Variants in CFDP1 observed in about 807,000 individuals in gnomAD.
The protein encoded by CFDP1 is chromatin remodeling protein CFDP1.
In CFDP1, 31 loss-of-function variants were observed where a neutral mutation model predicts 40.1. The observed-to-expected ratio is 0.77, with a 90% CI of 0.58 to 1.04. CFDP1 has a LOEUF of 1.04. CFDP1 is among the 50% of genes least tolerant of loss of function. The pLI, the probability that CFDP1 is intolerant of heterozygous loss-of-function variation, is 0.00. For missense variants in CFDP1, 423 were observed against 343.4 expected (o/e 1.23, Z -1.83); for synonymous variants, 167 against 120.0 (o/e 1.39, Z -2.56).
chr16:75,411,986 A>C (rs551436234), intron 3 of CFDP1, 34 bp from the exon 4 acceptor site: 7 of 1,570,652 alleles, frequency 4.5e-6, no homozygotes, highest in South Asian at 3.6e-5. Context: ...ATGTTTCACC[A>C]AAAGATGAAC....
intron 5 of CFDP1, among the ~76,000 whole-genome samples, chr16:75,319,804 C>T (rs919218332): frequency 1.3e-5 from 2 of 152,168 alleles, no homozygotes; most frequent in Non-Finnish European, 2.9e-5. Flanking sequence ...AAGCAATCAT[C>T]TATACAAGGG....
chr16:75,302,332 C>T (rs1380728077), intron 6 of CFDP1, among the ~76,000 whole-genome samples: 1 of 152,178 alleles, frequency 6.6e-6, no homozygotes, highest in African/African-American at 2.4e-5. Flanking sequence ...GCGATCAGAG[C>T]TCACTGCAGC....
chr16:75,318,703 C>G (rs975854764), intron 5 of CFDP1, among the ~76,000 whole-genome samples: 1 of 152,000 alleles, frequency 6.6e-6, no homozygotes, highest in African/African-American at 2.4e-5. Flanking sequence ...TGCGCCCGGC[C>G]GGCATGCTTT....
At chr16:75,295,024 G>A (rs1017143363) in intron 6 of CFDP1, among the ~76,000 whole-genome samples, 7 of 152,230 alleles carry the variant, frequency 4.6e-5, no homozygotes, top group African/African-American at 7.2e-5. Flanking sequence ...TATGGAGAGA[G>A]CAAAAATTGC....
At chr16:75,381,839 T>C (rs967458005) in intron 5 of CFDP1, among the ~76,000 whole-genome samples, 2 of 152,038 alleles carry the variant, frequency 1.3e-5, no homozygotes, top group Non-Finnish European at 2.9e-5. Context: ...GAATCATCAG[T>C]GTTGAAAAGA....
intron 4 of CFDP1, among the ~76,000 whole-genome samples, chr16:75,410,368 G>A (rs1359514594): frequency 1.3e-5 from 2 of 152,164 alleles, no homozygotes; most frequent in Non-Finnish European, 2.9e-5. Context: ...TTACAGGGAT[G>A]TGGCTCTTAC....
intron 5 of CFDP1, among the ~76,000 whole-genome samples, chr16:75,392,738 T>C (rs1337416761): frequency 1.3e-5 from 2 of 152,192 alleles, no homozygotes; most frequent in African/African-American, 4.8e-5. Flanking sequence ...TCCTACTACA[T>C]GTGATGTGCT....
intron 5 of CFDP1, chr16:75,394,657 G>GTTTTTTTTTTT (rs1567670026): frequency 1.7e-5 from 1 of 58,568 alleles, no homozygotes; most frequent in Admixed American, 2.5e-4. Context: ...AATTTTCTTC[G>GTTTTTTTTTTT]CTTTTTTTTT....
intron 4 of CFDP1, among the ~76,000 whole-genome samples, chr16:75,397,213 G>A (rs954664143): frequency 6.7e-6 from 1 of 149,630 alleles, no homozygotes; most frequent in Non-Finnish European, 1.5e-5. Context: ...TGCGCCCAGC[G>A]TTTTTTTGTT....
chr16:75,349,366 C>T (rs182160217), intron 5 of CFDP1, among the ~76,000 whole-genome samples: 127 of 151,238 alleles, frequency 8.4e-4, no homozygotes, highest in African/African-American at 2.7e-3. Context: ...AAAAATTAGC[C>T]GGGCGTGGTG....
chr16:75,332,923 T>A (rs1433419877), intron 5 of CFDP1, among the ~76,000 whole-genome samples: 2 of 148,910 alleles, frequency 1.3e-5, no homozygotes, highest in African/African-American at 2.5e-5. Flanking sequence ...TTCTCCTGCC[T>A]CAGTCTCTGG....
intron 5 of CFDP1, among the ~76,000 whole-genome samples, chr16:75,361,383 G>A (rs2078678392): frequency 6.6e-6 from 1 of 152,114 alleles, no homozygotes; most frequent in African/African-American, 2.4e-5. Flanking sequence ...CTGGGAGGCC[G>A]AGGCAGGTGG....
chr16:75,312,408 A>G (rs1427869806), intron 5 of CFDP1, among the ~76,000 whole-genome samples: 1 of 152,224 alleles, frequency 6.6e-6, no homozygotes, highest in Admixed American at 6.5e-5. Context: ...AGTGCCAGCA[A>G]AAAAAGTGCC....
chr16:75,294,135 G>GA (rs2078165290), intron 6 of CFDP1, 93 bp from the exon 7 acceptor site: 1 of 943,732 alleles, frequency 1.1e-6, no homozygotes, highest in African/African-American at 1.6e-5. Flanking sequence ...CTAAGTTACA[G>GA]TAAATGGTGC....
At chr16:75,400,713 G>C (rs537543184) in intron 4 of CFDP1, among the ~76,000 whole-genome samples, 139 of 152,302 alleles carry the variant, frequency 9.1e-4, no homozygotes, top group African/African-American at 3.0e-3. Flanking sequence ...TCCTTTGCCA[G>C]AGCAACCCTG....
In CFDP1 at chr16:75,299,594, C is replaced by CA. The variant is rs35066897; in HGVS notation, c.809+5429dup. ...TGGGGAAAAGAGCGAGACTCCATCT[C>CA]AAAAAAAAAAAAAAATTCGAATCCT... On this transcript the variant is annotated intron_variant, in intron 6 of 6. Transcript: ENST00000283882. Among the ~76,000 whole-genome samples the CA allele has an allele frequency of 7.9e-3, 1,009 of 127,054 alleles. 7 individuals carry two copies. The highest frequency in any genetic ancestry group is 0.022 in the African/African-American group (749 of 34,220). The allele number at this position is 127,054 out of a possible 152,430, so 83.4% of individuals were successfully genotyped here. A position where few individuals can be genotyped will look rare whatever the true frequency, so the allele number is the denominator to read the frequency against.
At chr16:75,309,164 G>T (rs2078277136) in intron 5 of CFDP1, among the ~76,000 whole-genome samples, 1 of 152,120 alleles carries the variant, frequency 6.6e-6, no homozygotes, top group Admixed American at 6.6e-5. Context: ...GGCTCCCTCA[G>T]GGTTCTGAGC....
At chr16:75,340,506 C>A (rs150484812) in intron 5 of CFDP1, among the ~76,000 whole-genome samples, 161 of 152,284 alleles carry the variant, frequency 1.1e-3, no homozygotes, top group African/African-American at 3.7e-3. Flanking sequence ...GTTGCCTATT[C>A]CAACCAGTTT....
intron 4 of CFDP1, chr16:75,406,681 G>A (rs973186534): frequency 1.3e-5 from 2 of 151,592 alleles, no homozygotes; most frequent in African/African-American, 4.9e-5. Flanking sequence ...AGGCTGGGTT[G>A]ATAGAGCGAG....
Sources: gnomAD v4.1 joint callset for allele counts (sites outside exome capture counted in the v4.1 genomes callset) on GRCh38, gnomAD v4.1.1 for gene constraint, MANE v1.5 for transcripts, NCBI Gene and HGNC (gene_info 2026-07-23, HGNC 2026-07-21) for gene names.